The following FMN2 variants were observed in gnomAD, a reference collection of about 807,000 sequenced individuals.
The protein encoded by FMN2 is formin 2.
Under a neutral mutation model 142.3 loss-of-function variants are expected in FMN2, and 51 were observed. That is an observed-to-expected ratio of 0.36 (90% CI 0.29 to 0.45). The LOEUF (loss-of-function observed/expected upper bound fraction) is 0.45, where lower values mean the gene tolerates loss of function less well. Ranked by LOEUF, FMN2 falls within the 20% of genes least tolerant of loss-of-function variation. The probability of loss-of-function intolerance (pLI) is 1.00; values close to 1 mark genes in which losing one functional copy is unlikely to be tolerated. For missense variants in FMN2, 1,936 were observed against 2,122.8 expected (o/e 0.91, Z 1.73); for synonymous variants, 882 against 869.8 (o/e 1.01, Z -0.25).
At chr1:240,462,200 T>C (rs1676471010) in intron 16 of FMN2, among the ~76,000 whole-genome samples, 1 of 152,174 alleles carries the variant, frequency 6.6e-6, no homozygotes. Context: ...TTTTTTGGAA[T>C]GAAAATATAT....
intron 15 of FMN2, among the ~76,000 whole-genome samples, chr1:240,411,299 G>T (rs188129498): frequency 3.3e-5 from 5 of 151,990 alleles, no homozygotes; most frequent in Admixed American, 2.0e-4. Context: ...TCGGCCGGGC[G>T]CGGTGTTTCA....
In FMN2 at chr1:240,188,273, C is replaced by T. The variant is rs2103348179; in HGVS notation, c.1986+11C>T. The T allele has an allele frequency of 6.2e-7, 1 of 1,611,876 alleles. No individual in the cohort carries two copies. The highest frequency in any genetic ancestry group is 8.5e-7 in the Non-Finnish European group (1 of 1,178,374). Reference sequence around the variant, plus strand: ...GATGCTGTCCAGAAGGTAAGATGATCTTATTAGGATGTCAGATTCCCATCT... The same window carrying T: ...GATGCTGTCCAGAAGGTAAGATGATTTTATTAGGATGTCAGATTCCCATCT... On this transcript the variant is annotated intron_variant, in intron 4 of 17. Transcript: ENST00000319653.
intron 15 of FMN2, among the ~76,000 whole-genome samples, chr1:240,413,122 A>AAAAAC (rs1674467000): frequency 3.5e-5 from 2 of 57,892 alleles, no homozygotes; most frequent in African/African-American, 1.6e-4. Context: ...GACTCTGTCA[A>AAAAAC]AAAAAAAAAA....
At chr1:240,415,938 C>A (rs193296500) in intron 15 of FMN2, among the ~76,000 whole-genome samples, 97 of 152,308 alleles carry the variant, frequency 6.4e-4, no homozygotes, top group Non-Finnish European at 1.4e-3. Context: ...TTCACAGCTT[C>A]TCCAGCCTCC....
At chr1:240,102,670 C>A (rs1661455089) in intron 1 of FMN2, among the ~76,000 whole-genome samples, 1 of 151,946 alleles carries the variant, frequency 6.6e-6, no homozygotes, top group Non-Finnish European at 1.5e-5. Flanking sequence ...CTTGCAGTTT[C>A]TTTCAGGGTA....
intron 2 of FMN2, chr1:240,145,414 T>C: frequency 2.1e-6 from 1 of 481,744 alleles, no homozygotes; most frequent in Non-Finnish European, 3.6e-6. Flanking sequence ...TTTTCATGGA[T>C]ACATAGTAAT....
chr1:240,302,335 A>AT (rs1670228504), intron 8 of FMN2, among the ~76,000 whole-genome samples: 1 of 152,032 alleles, frequency 6.6e-6, no homozygotes, highest in East Asian at 1.9e-4. Context: ...AATTTGCAAT[A>AT]CCTGGGCCCT....
chr1:240,161,083 A>G (rs1354949663), intron 2 of FMN2, among the ~76,000 whole-genome samples: 1 of 152,344 alleles, frequency 6.6e-6, no homozygotes, highest in African/African-American at 2.4e-5. Context: ...AATGACAAGT[A>G]TATGAACAGA....
At chr1:240,331,434 T>G (rs2103015842) in intron 11 of FMN2, among the ~76,000 whole-genome samples, 1 of 152,128 alleles carries the variant, frequency 6.6e-6, no homozygotes, top group South Asian at 2.1e-4. Context: ...GACGGTAAAC[T>G]TAAAAAATAA....
chr1:240,295,907 G>T (rs1158628745), intron 8 of FMN2, among the ~76,000 whole-genome samples: 1 of 152,038 alleles, frequency 6.6e-6, no homozygotes, highest in Non-Finnish European at 1.5e-5. Flanking sequence ...CCTTTTCTTC[G>T]CATCTTCACC....
At chr1:240,252,098 G>A (rs995051801) in intron 6 of FMN2, among the ~76,000 whole-genome samples, 2 of 151,942 alleles carry the variant, frequency 1.3e-5, no homozygotes, top group African/African-American at 2.4e-5. Flanking sequence ...TAGTAGAGAC[G>A]AGATTTCACC....
chr1:240,126,863 C>G (rs1162960212), intron 2 of FMN2, among the ~76,000 whole-genome samples: 2 of 151,984 alleles, frequency 1.3e-5, no homozygotes, highest in Non-Finnish European at 2.9e-5. Flanking sequence ...TAATTGCTCT[C>G]AGATTCTAAT....
intron 16 of FMN2, among the ~76,000 whole-genome samples, chr1:240,449,954 G>A (rs1675951320): frequency 6.6e-6 from 1 of 152,026 alleles, no homozygotes; most frequent in Non-Finnish European, 1.5e-5. Context: ...GGTTTTAAGT[G>A]TACAATACAT....
At position 240,317,690 on chromosome 1, in the gene FMN2, AAAACTGTTATGAACATGT is replaced by A. The variant is rs150220013; in HGVS notation, c.4216-11384_4216-11367del. 7.7e-3 allele frequency among the ~76,000 whole-genome samples: 1,173 copies of A among 152,272 alleles called. 15 individuals are homozygous for A. Among genetic ancestry groups the A allele is most frequent in the African/African-American group, 0.026 (1,087 of 41,538 alleles). ...TTTTGAGTTTTTGGGTATTACACACAAAACTGTTATGAACATGTATGTACATAATTTTTTGCATGTCGA... is the reference window on the plus strand; with the variant it reads ...TTTTGAGTTTTTGGGTATTACACACAATGTACATAATTTTTTGCATGTCGA... On this transcript the variant is annotated intron_variant, in intron 8 of 17. Coordinates refer to ENST00000319653, the MANE Select transcript of FMN2 (RefSeq NM_020066.5).
chr1:240,092,756 A>T lies in FMN2; in HGVS notation c.647A>T (p.Gln216Leu). The change falls in exon 1 of 18, where the codon CAG (glutamine) becomes CTG (leucine). Residue 216 changes from glutamine to leucine, a missense_variant. Physicochemically the swap from Gln to Leu is moderately radical, Grantham distance 113 (BLOSUM62 -2). Around this residue, in one of 8 missense-constraint regions of FMN2, gnomAD observed 751 missense variants for 791.8 expected, o/e 0.95. Coordinates refer to ENST00000319653, the MANE Select transcript of FMN2 (RefSeq NM_020066.5). ...CAGCAGCAGCAGCAGCTCCAGCTCCAGCTCCAGCAACAGCAGCAGCAGCAG... is the reference window on the plus strand; with the variant it reads ...CAGCAGCAGCAGCAGCTCCAGCTCCTGCTCCAGCAACAGCAGCAGCAGCAG... ...QQQQQQQLQL[Q>L]LQQQQQQQQL... 6.2e-7 allele frequency: 1 copy of T among 1,611,986 alleles called. No individual in the cohort carries two copies. The highest frequency in any genetic ancestry group is 8.5e-7 in the Non-Finnish European group (1 of 1,179,374).
At chr1:240,179,182 G>A (rs1665050001) in intron 3 of FMN2, 1 of 152,194 alleles carries the variant, frequency 6.6e-6, no homozygotes, top group Admixed American at 6.5e-5. Flanking sequence ...CTAGCTCCGT[G>A]TATTTAATAT....
chr1:240,232,270 TAA>T (rs1223179515), intron 6 of FMN2, among the ~76,000 whole-genome samples: 3 of 129,786 alleles, frequency 2.3e-5, no homozygotes, highest in African/African-American at 9.2e-5. Flanking sequence ...TTTTTTTTTT[TAA>T]GTAGAGACAG....
Position 240,091,889 on chromosome 1 carries a change from G to T in FMN2, c.-221G>T, listed in dbSNP as rs1237233822. ...GCCCCGCCGGCCCCTAGCCGCAGCC[G>T]CAGCCGCAGCGACGGCAGCCACGGG... On this transcript the variant is annotated 5_prime_UTR_variant, in exon 1 of 18. Coordinates refer to ENST00000319653, the MANE Select transcript of FMN2 (RefSeq NM_020066.5). 1.4e-6 allele frequency: 1 copy of T among 711,210 alleles called. No individual in the cohort carries two copies. Among genetic ancestry groups the T allele is most frequent in the Non-Finnish European group, 2.1e-6 (1 of 484,342 alleles). The allele number at this position is 711,210 out of a possible 1,614,324, so 44.1% of individuals were successfully genotyped here.
At chr1:240,327,002 A>G (rs1671192660) in intron 8 of FMN2, among the ~76,000 whole-genome samples, 1 of 152,182 alleles carries the variant, frequency 6.6e-6, no homozygotes, top group East Asian at 1.9e-4. Flanking sequence ...ATGGCTTTAC[A>G]TGGTCTTATG....
Sources: gnomAD v4.1 joint callset for allele counts (sites outside exome capture counted in the v4.1 genomes callset) on GRCh38, gnomAD v4.1.1 for gene constraint, gnomAD v4.1.1 regional missense constraint, MANE v1.5 for transcripts, NCBI Gene and HGNC (gene_info 2026-07-23, HGNC 2026-07-21) for gene names.